Variants in ZNF773 observed in about 807,000 individuals in gnomAD.
ZNF773 encodes the protein zinc finger protein 773.
In ZNF773, 11 loss-of-function variants were observed where a neutral mutation model predicts 12.8. The observed-to-expected ratio is 0.86, with a 90% CI of 0.54 to 1.42. The LOEUF is 1.42. Ranked by LOEUF, ZNF773 falls within the 40% of genes most tolerant of loss-of-function variation. The pLI is 0.00. For missense variants in ZNF773, 518 were observed against 527.2 expected (o/e 0.98, Z 0.17); for synonymous variants, 175 against 178.4 (o/e 0.98, Z 0.15).
intron 1 of ZNF773, among the ~76,000 whole-genome samples, chr19:57,500,494 G>A (rs1245231681): frequency 6.9e-6 from 1 of 143,946 alleles, no homozygotes; most frequent in African/African-American, 2.6e-5. Context: ...ACAGACTGGG[G>A]TGGGGGTGAG....
downstream of ZNF773, among the ~76,000 whole-genome samples, chr19:57,512,848 T>C (rs2089806096): frequency 6.6e-6 from 1 of 152,160 alleles, no homozygotes; most frequent in Admixed American, 6.5e-5. Flanking sequence ...GAGCCTGTGA[T>C]AAATCAAGCA....
downstream of ZNF773, among the ~76,000 whole-genome samples, chr19:57,510,970 A>G (rs1271168876): frequency 6.6e-6 from 1 of 152,034 alleles, no homozygotes; most frequent in Non-Finnish European, 1.5e-5. Flanking sequence ...AAAATTTACA[A>G]ATGTATTCTA....
At chr19:57,504,983 G>A in intron 2 of ZNF773, 197 bp downstream of exon 2, 1 of 1,016,830 alleles carries the variant, frequency 9.8e-7, no homozygotes, top group East Asian at 2.6e-5. Context: ...CAGCTGTGCA[G>A]GAAAGGGTTT....
rs1600149572 is a variant in ZNF773, at chr19:57,504,427, G to A, written c.34-230G>A. On this transcript the variant is annotated intron_variant, in intron 1 of 3. Coordinates refer to ENST00000282292, the MANE Select transcript of ZNF773 (RefSeq NM_198542.3). ...CAAGGTGAGTTGTCTGGCAAGAGAA[G>A]AGTAGGACTCTGCATACCATGCCCA... Among the ~76,000 whole-genome samples the A allele has an allele frequency of 3.3e-5, 5 of 152,270 alleles. No homozygotes were observed. The East Asian group carries it at 9.7e-4, about 29-fold the overall frequency.
At position 57,507,506 on chromosome 19, in the gene ZNF773, A is replaced by G; in HGVS notation, c.*82A>G. Reference sequence around the variant, plus strand: ...GTGTAAAAAAGTCTTGAAGGTTACTAATGGAAATCCATTAGCTATACCTCC... The same window carrying G: ...GTGTAAAAAAGTCTTGAAGGTTACTGATGGAAATCCATTAGCTATACCTCC... On this transcript the variant is annotated 3_prime_UTR_variant, in exon 4 of 4. Transcript: ENST00000282292. 6.0e-6 allele frequency: 9 copies of G among 1,503,542 alleles called. No individual in the cohort carries two copies. The highest frequency in any genetic ancestry group is 8.0e-6 in the Non-Finnish European group (9 of 1,131,528). 93.1% of individuals were successfully genotyped at this position (1,503,542 alleles called of 1,614,324 possible).
Position 57,507,127 on chromosome 19 carries a change from C to T in ZNF773, c.1032C>T (p.Ser344=), listed in dbSNP as rs1282600003. The stretch of plus-strand genomic sequence containing the variant: ...GTGGAAAATTCTATAGCCACAAGTC[C>T]AGCCTTATCAATCATTGGCGTGTTC... The part of the protein sequence containing the change: ...SECGKFYSHK[S]SLINHWRVHT... Residue 344 remains serine (S), a synonymous_variant, in exon 4 of 4, where the codon TCC becomes TCT. Coordinates refer to ENST00000282292, the MANE Select transcript of ZNF773 (RefSeq NM_198542.3). 1 of 1,614,008 alleles carries T rather than the reference C, an allele frequency of 6.2e-7. No individual in the cohort carries two copies. The highest frequency in any genetic ancestry group is 8.5e-7 in the Non-Finnish European group (1 of 1,179,986).
downstream of ZNF773, among the ~76,000 whole-genome samples, chr19:57,512,584 T>C (rs1326424595): frequency 5.3e-5 from 8 of 150,662 alleles, no homozygotes; most frequent in Non-Finnish European, 8.9e-5. Context: ...TTGTATTTTT[T>C]AGTAGAGACA....
chr19:57,501,137 C>G (rs2089665171), intron 1 of ZNF773, among the ~76,000 whole-genome samples: 1 of 152,104 alleles, frequency 6.6e-6, no homozygotes, highest in African/African-American at 2.4e-5. Flanking sequence ...CCTTTGGTGC[C>G]TAAGTTTCCC....
chr19:57,512,518 C>T (rs181829691), downstream of ZNF773, among the ~76,000 whole-genome samples: 50 of 149,300 alleles, frequency 3.3e-4, no homozygotes, highest in Non-Finnish European at 5.3e-4. Flanking sequence ...ATTCTCCTGT[C>T]TCAGTCTCCT....
chr19:57,505,444 G>A lies in ZNF773; in HGVS notation c.262+44G>A, dbSNP rs1405982207. 3.7e-6 allele frequency: 6 copies of A among 1,602,402 alleles called. No homozygotes were observed. The South Asian group carries it at 5.5e-5, about 15-fold the overall frequency. ...TCAGGGAGGTATGAACTCGGGTATG[G>A]GTTTGTATCATACCAGGAGTCTTTC... On this transcript the variant is annotated intron_variant, in intron 3 of 3. Transcript: ENST00000282292.
downstream of ZNF773, among the ~76,000 whole-genome samples, chr19:57,508,830 C>T (rs932554587): frequency 4.7e-5 from 7 of 150,348 alleles, no homozygotes; most frequent in Non-Finnish European, 1.0e-4. Context: ...CGTATATCTT[C>T]GTTAGTCAAA....
At chr19:57,503,512 G>A (rs960969117) in intron 1 of ZNF773, among the ~76,000 whole-genome samples, 22 of 152,254 alleles carry the variant, frequency 1.4e-4, no homozygotes, top group African/African-American at 5.1e-4. Context: ...CAGGAAGGCA[G>A]GCACTGCTGC....
At chr19:57,512,400 A>ATTTTTT (rs747914066), downstream of ZNF773, among the ~76,000 whole-genome samples, 5 of 113,278 alleles carry the variant, frequency 4.4e-5, no homozygotes, top group South Asian at 3.0e-4. Context: ...AAGATGCAGT[A>ATTTTTT]TTTTTTTTTT....
Position 57,506,506 on chromosome 19 carries a change from T to C in ZNF773, c.411T>C (p.Ser137=), listed in dbSNP as rs745364360. ...RQEGRVPVLR[S]CRVHLSEKSL... ...AGGGCAGGGTCCCAGTTTTGAGGAG[T>C]TGCAGAGTCCACCTATCAGAGAAGT... The change falls in exon 4 of 4, where the codon AGT becomes AGC. Residue 137 remains serine, a synonymous_variant. Coordinates refer to ENST00000282292, the MANE Select transcript of ZNF773 (RefSeq NM_198542.3). 6 of 1,613,784 alleles carry C rather than the reference T, an allele frequency of 3.7e-6. No homozygotes were observed. The highest frequency in any genetic ancestry group is 4.5e-5 in the East Asian group (2 of 44,886).
At chr19:57,508,439 C>T, downstream of ZNF773, 2 of 657,910 alleles carry the variant, frequency 3.0e-6, no homozygotes, top group East Asian at 2.7e-5. Context: ...AATGTTAGAT[C>T]TTCTTTAATA....
In ZNF773 at chr19:57,506,676, G is replaced by A; in HGVS notation, c.581G>A (p.Ser194Asn). The A allele has an allele frequency of 6.2e-7, 1 of 1,614,262 alleles. No homozygotes were observed. The highest frequency in any genetic ancestry group is 8.5e-7 in the Non-Finnish European group (1 of 1,180,048). ...FHAGKRHYKC[S>N]ECGKAFGQKY... ...GCTGGAAAAAGGCATTACAAATGCAGTGAATGTGGGAAAGCCTTTGGTCAG... is the reference window on the plus strand; with the variant it reads ...GCTGGAAAAAGGCATTACAAATGCAATGAATGTGGGAAAGCCTTTGGTCAG... The change falls in exon 4 of 4, where the codon AGT becomes AAT. Residue 194 changes from serine (S) to asparagine (N), a missense_variant. Ser to Asn is a conservative substitution (Grantham distance 46, BLOSUM62 1). Coordinates refer to ENST00000282292, the MANE Select transcript of ZNF773 (RefSeq NM_198542.3).
chr19:57,512,981 T>C (rs1017157471), downstream of ZNF773: 3 of 1,513,058 alleles, frequency 2.0e-6, no homozygotes, highest in African/African-American at 1.4e-5. Flanking sequence ...TTAAAACAGA[T>C]CTTTTTGTCT....
chr19:57,502,185 G>A (rs1280221425), intron 1 of ZNF773, among the ~76,000 whole-genome samples: 2 of 152,026 alleles, frequency 1.3e-5, no homozygotes, highest in African/African-American at 2.4e-5. Flanking sequence ...CAGGTGATCC[G>A]CCCACCTCTG....
Position 57,502,524 on chromosome 19 carries a change from C to T in ZNF773, c.34-2133C>T, listed in dbSNP as rs535253962. Among the ~76,000 whole-genome samples the T allele has an allele frequency of 8.5e-5, 13 of 152,206 alleles. No homozygotes were observed. The East Asian group carries it at 1.5e-3, about 18-fold the overall frequency. On this transcript the variant is annotated intron_variant, in intron 1 of 3. Coordinates refer to ENST00000282292, the MANE Select transcript of ZNF773 (RefSeq NM_198542.3). ...AATGGGGAAGGCTACACAGGGATTACGGCCCAATCTTAACAAGCTTTTTCT... is the reference window on the plus strand; with the variant it reads ...AATGGGGAAGGCTACACAGGGATTATGGCCCAATCTTAACAAGCTTTTTCT...
Sources: gnomAD v4.1 joint callset for allele counts (sites outside exome capture counted in the v4.1 genomes callset) on GRCh38, gnomAD v4.1.1 for gene constraint, MANE v1.5 for transcripts, NCBI Gene and HGNC (gene_info 2026-07-23, HGNC 2026-07-21) for gene names.